The following GLMN variants were observed in gnomAD, a reference collection of about 807,000 sequenced individuals.
GLMN encodes glomulin, FKBP associated protein.
In GLMN, 75 loss-of-function variants were observed where a neutral mutation model predicts 87.8. That is an observed-to-expected ratio of 0.85 (90% CI 0.71 to 1.04). The LOEUF (loss-of-function observed/expected upper bound fraction) is 1.04. Among genes scored for constraint, GLMN ranks in the 50% least tolerant of loss-of-function variants. The pLI, the probability that GLMN is intolerant of heterozygous loss-of-function variation, is 0.00. For missense variants in GLMN, 588 were observed against 658.8 expected, an observed-to-expected ratio of 0.89 and a Z score of 1.18; for synonymous variants, 206 against 221.6, an observed-to-expected ratio of 0.93 and a Z score of 0.63.
intron 8 of GLMN, among the ~76,000 whole-genome samples, chr1:92,270,159 C>T (rs1053288663): frequency 2.0e-5 from 3 of 152,204 alleles, no homozygotes; most frequent in Non-Finnish European, 2.9e-5. Flanking sequence ...AGAAGATTCT[C>T]CTTCACAACC....
At chr1:92,307,142 A>G in the GLMN span, 14 of 1,286,758 alleles carry the variant, frequency 1.1e-5, no homozygotes, top group East Asian at 2.8e-4. Context: ...TATGTAGGTA[A>G]TGTTTCATGA....
chr1:92,255,061 T>A (rs1479341657), intron 16 of GLMN, among the ~76,000 whole-genome samples: 2 of 151,250 alleles, frequency 1.3e-5, no homozygotes, highest in Non-Finnish European at 2.9e-5. Context: ...GGATGAAGGA[T>A]TATTTACCAA....
chr1:92,358,881 C>T, the GLMN span, among the ~76,000 whole-genome samples: 1 of 152,144 alleles, frequency 6.6e-6, no homozygotes, highest in East Asian at 1.9e-4. Context: ...GCCACCATGC[C>T]CAGCCTATTC....
At chr1:92,359,422 C>T in the GLMN span, among the ~76,000 whole-genome samples, 1 of 152,212 alleles carries the variant, frequency 6.6e-6, no homozygotes. Flanking sequence ...CAGGTTCAAG[C>T]AATTCTCCGG....
chr1:92,351,911 A>G, the GLMN span, among the ~76,000 whole-genome samples: 1 of 152,150 alleles, frequency 6.6e-6, no homozygotes. Context: ...GGTCAATTGT[A>G]TCATAGGAGT....
chr1:92,315,663 G>C, the GLMN span, among the ~76,000 whole-genome samples: 2 of 152,100 alleles, frequency 1.3e-5, no homozygotes, highest in Non-Finnish European at 2.9e-5. Flanking sequence ...TACCTCATTG[G>C]TATAGATGTT....
chr1:92,369,947 C>T, the GLMN span, among the ~76,000 whole-genome samples: 4 of 152,114 alleles, frequency 2.6e-5, no homozygotes, highest in Non-Finnish European at 4.4e-5. Flanking sequence ...TGCAGTGGTG[C>T]GATCTCGGCT....
chr1:92,324,992 C>T, the GLMN span, among the ~76,000 whole-genome samples: 1 of 152,110 alleles, frequency 6.6e-6, no homozygotes, highest in Non-Finnish European at 1.5e-5. Flanking sequence ...CTATTAATAG[C>T]TTCTCTTGCT....
chr1:92,338,769 T>C, the GLMN span, among the ~76,000 whole-genome samples: 13 of 151,828 alleles, frequency 8.6e-5, no homozygotes, highest in African/African-American at 3.1e-4. Flanking sequence ...CTGGCTAATT[T>C]TTTTTTTAAG....
At chr1:92,304,200 G>A in the GLMN span, 2 of 1,116,156 alleles carry the variant, frequency 1.8e-6, no homozygotes, top group Non-Finnish European at 1.3e-6. Flanking sequence ...CCAATGATAT[G>A]ATATGTAGAT....
chr1:92,324,296 T>C, the GLMN span: 2 of 1,614,044 alleles, frequency 1.2e-6, no homozygotes, highest in Admixed American at 1.7e-5. Flanking sequence ...ACTGAAAAGT[T>C]AAATCTGAGG....
the GLMN span, among the ~76,000 whole-genome samples, chr1:92,336,056 A>G: frequency 6.6e-6 from 1 of 152,162 alleles, no homozygotes; most frequent in African/African-American, 2.4e-5. Context: ...TTGGTCTAAT[A>G]TTTGAAAATA....
At chr1:92,294,167 T>G (rs1649763455) in intron 3 of GLMN, among the ~76,000 whole-genome samples, 1 of 152,178 alleles carries the variant, frequency 6.6e-6, no homozygotes, top group South Asian at 2.1e-4. Context: ...TTCTCTATGA[T>G]ATTCTTATTA....
intron 4 of GLMN, among the ~76,000 whole-genome samples, chr1:92,290,938 C>G (rs957876541): frequency 6.6e-6 from 1 of 152,196 alleles, no homozygotes; most frequent in Admixed American, 6.5e-5. Flanking sequence ...TTGTTAGTCA[C>G]AACTGATCTG....
chr1:92,300,168 A>G, upstream of GLMN: 6 of 1,552,082 alleles, frequency 3.9e-6, no homozygotes, highest in Non-Finnish European at 5.3e-6. Context: ...GTCATTATGT[A>G]GCACATGACT....
chr1:92,282,016 A>AGTC (rs1290903568), intron 7 of GLMN, among the ~76,000 whole-genome samples: 1 of 152,202 alleles, frequency 6.6e-6, no homozygotes. Context: ...CTCCCACACG[A>AGTC]TAATAATGGG....
At chr1:92,295,426 G>A (rs1649933571) in intron 3 of GLMN, among the ~76,000 whole-genome samples, 1 of 151,878 alleles carries the variant, frequency 6.6e-6, no homozygotes, top group Non-Finnish European at 1.5e-5. Context: ...TCTCTACTGA[G>A]CTCAAAACCT....
At chr1:92,297,268 T>A in intron 3 of GLMN, 136 bp downstream of exon 3, 1 of 1,226,000 alleles carries the variant, frequency 8.2e-7, no homozygotes, top group East Asian at 2.4e-5. Flanking sequence ...TTTCTAATTC[T>A]TTTTTTGTTT....
At chr1:92,323,959 G>C in the GLMN span, 1 of 1,614,176 alleles carries the variant, frequency 6.2e-7, no homozygotes, top group Non-Finnish European at 8.5e-7. Context: ...ATCAAACCAA[G>C]TGTCTAGGTC....
Sources: gnomAD v4.1 joint callset for allele counts (sites outside exome capture counted in the v4.1 genomes callset) on GRCh38, gnomAD v4.1.1 for gene constraint, MANE v1.5 for transcripts, NCBI Gene and HGNC (gene_info 2026-07-23, HGNC 2026-07-21) for gene names.